The following HSPA13 variants were observed in gnomAD, a reference collection of about 807,000 sequenced individuals.
HSPA13 encodes heat shock protein family A (Hsp70) member 13.
HSPA13 carries 29 observed loss-of-function variants against 38.8 expected under a neutral mutation model. The ratio of observed to expected loss-of-function variants is 0.75; its 90% CI spans 0.56 to 1.02. The LOEUF is 1.02. HSPA13 is among the 50% of genes least tolerant of loss of function. The probability of loss-of-function intolerance (pLI) is 0.00; values close to 1 mark genes in which losing one functional copy is unlikely to be tolerated. For missense variants in HSPA13, 451 were observed against 560.9 expected (o/e 0.80, Z 1.98); for synonymous variants, 192 against 205.3 (o/e 0.94, Z 0.56).
intron 2 of HSPA13, among the ~76,000 whole-genome samples, 153 bp from the exon 3 acceptor site, chr21:14,378,565 A>G (rs542297005): frequency 3.9e-4 from 59 of 152,258 alleles, no homozygotes; most frequent in Admixed American, 7.2e-4. Flanking sequence ...ATTTACCAAG[A>G]TTAGAACTTG....
chr21:14,376,133 T>C (rs1984013328), intron 3 of HSPA13, among the ~76,000 whole-genome samples: 1 of 152,244 alleles, frequency 6.6e-6, no homozygotes, highest in African/African-American at 2.4e-5. Context: ...AACATTCATA[T>C]TCTACTTTGG....
At chr21:14,380,254 C>A (rs1280119371) in intron 2 of HSPA13, among the ~76,000 whole-genome samples, 1 of 149,024 alleles carries the variant, frequency 6.7e-6, no homozygotes, top group Non-Finnish European at 1.5e-5. Flanking sequence ...AAAACTTTGA[C>A]ATCCAGCTCA....
intron 3 of HSPA13, among the ~76,000 whole-genome samples, chr21:14,376,971 C>T (rs1793401650): frequency 6.6e-6 from 1 of 152,180 alleles, no homozygotes; most frequent in Non-Finnish European, 1.5e-5. Flanking sequence ...GTATCAGTGG[C>T]TCTCAACAAG....
In HSPA13 at chr21:14,371,934, TC is replaced by T. The variant is rs532633586; in HGVS notation, c.*1682del. 2.3e-4 allele frequency: 35 copies of T among 152,650 alleles called. No individual in the cohort carries two copies. In the East Asian group the frequency reaches 6.7e-3, roughly 29 times the overall value. 9.5% of individuals were successfully genotyped at this position (152,650 alleles called of 1,614,324 possible). ...CAGTGAAGGATTCATCTTTGGCATT[TC>T]TCCATTCATTCTAAAATAAGATACT... On this transcript the variant is annotated 3_prime_UTR_variant, in exon 5 of 5. Coordinates refer to ENST00000285667, the MANE Select transcript of HSPA13 (RefSeq NM_006948.5).
intron 1 of HSPA13, among the ~76,000 whole-genome samples, chr21:14,382,244 G>A (rs983127834): frequency 2.6e-5 from 4 of 152,090 alleles, no homozygotes; most frequent in African/African-American, 9.7e-5. Flanking sequence ...ATCTATGAAA[G>A]CTTCTTGAAG....
intron 3 of HSPA13, among the ~76,000 whole-genome samples, chr21:14,377,460 A>C (rs535128541): frequency 6.6e-6 from 1 of 152,202 alleles, no homozygotes; most frequent in African/African-American, 2.4e-5. Context: ...TGTTAAATAC[A>C]TATTTTATAT....
At chr21:14,380,356 C>T (rs1347241900) in intron 2 of HSPA13, among the ~76,000 whole-genome samples, 1 of 146,686 alleles carries the variant, frequency 6.8e-6, no homozygotes, top group East Asian at 2.0e-4. Context: ...GAAAAACACA[C>T]CAAAACAAAA....
At chr21:14,380,455 A>G (rs1984139960) in intron 2 of HSPA13, among the ~76,000 whole-genome samples, 1 of 152,056 alleles carries the variant, frequency 6.6e-6, no homozygotes, top group Non-Finnish European at 1.5e-5. Context: ...ATCAAAATAA[A>G]TAAAAATTAA....
Position 14,371,235 on chromosome 21 carries a change from T to C in HSPA13, c.*2382A>G, listed in dbSNP as rs560541926. 1 of 152,786 alleles carries C rather than the reference T, an allele frequency of 6.5e-6. No individual in the cohort carries two copies. The highest frequency in any genetic ancestry group is 2.1e-4 in the South Asian group (1 of 4,834). The allele number at this position is 152,786 out of a possible 1,614,324, so 9.5% of individuals were successfully genotyped here. A position where few individuals can be genotyped will look rare whatever the true frequency, so the allele number is the denominator to read the frequency against. On this transcript the variant is annotated 3_prime_UTR_variant, in exon 5 of 5. Transcript: ENST00000285667. Reference sequence around the variant, plus strand: ...TAACTGTAATATTTAGTACATGTTATACACAGCAGTATCTGTTAAGTCAGT... The same window carrying C: ...TAACTGTAATATTTAGTACATGTTACACACAGCAGTATCTGTTAAGTCAGT...
In HSPA13 at chr21:14,373,815, C is replaced by T; in HGVS notation, c.1218G>A (p.Gly406=). 3 of 1,614,132 alleles carry T rather than the reference C, an allele frequency of 1.9e-6. No individual in the cohort carries two copies. Among genetic ancestry groups the T allele is most frequent in the Non-Finnish European group, 1.7e-6 (2 of 1,180,022 alleles). The change falls in exon 5 of 5, where the codon GGG becomes GGA. Residue 406 remains glycine, a synonymous_variant. Transcript: ENST00000285667. ...KTEIDEVVLV[G]GSTRIPRIRQ... ...GGATCCGAGGAATACGAGTGGAGCC[C>T]CCAACTAAAACCACCTCATCAATCT...
chr21:14,383,075 A>G lies in HSPA13; in HGVS notation c.25+20T>C. The G allele has an allele frequency of 6.2e-7, 1 of 1,613,878 alleles. No individual in the cohort carries two copies. Among genetic ancestry groups the G allele is most frequent in the East Asian group, 2.2e-5 (1 of 44,854 alleles). On this transcript the variant is annotated intron_variant, in intron 1 of 4. Transcript: ENST00000285667. ...TCGCCTCTACGCCCGCAAGAGCAAC[A>G]AGGACCCCCGGGAACCCACCTAAGA...
chr21:14,381,242 T>C lies in HSPA13; in HGVS notation c.327A>G (p.Ala109=). The C allele has an allele frequency of 6.2e-7, 1 of 1,610,636 alleles. No homozygotes were observed. The highest frequency in any genetic ancestry group is 8.5e-7 in the Non-Finnish European group (1 of 1,177,898). Residue 109 remains alanine, a synonymous_variant, in exon 2 of 5, where the codon GCA becomes GCG. Coordinates refer to ENST00000285667, the MANE Select transcript of HSPA13 (RefSeq NM_006948.5). ...TGCCAATTTCAGCCTCCAACTCTTCTGCGGTAAAAATCTTGCCTATGAATC... is the reference window on the plus strand; with the variant it reads ...TGCCAATTTCAGCCTCCAACTCTTCCGCGGTAAAAATCTTGCCTATGAATC... ...AKRFIGKIFT[A]EELEAEIGRY... is the part of the protein sequence containing the mutation.
intron 2 of HSPA13, among the ~76,000 whole-genome samples, chr21:14,379,093 T>G (rs1984105723): frequency 6.6e-6 from 1 of 152,190 alleles, no homozygotes; most frequent in Non-Finnish European, 1.5e-5. Context: ...TTTCCCAAAT[T>G]TCTTGTTTCT....
Position 14,375,819 on chromosome 21 carries a change from C to G in HSPA13, c.581G>C (p.Gly194Ala). The G allele has an allele frequency of 1.9e-6, 3 of 1,612,154 alleles. No homozygotes were observed. Among genetic ancestry groups the G allele is most frequent in the Non-Finnish European group, 2.5e-6 (3 of 1,178,750 alleles). Residue 194 changes from glycine to alanine, a missense_variant and splice_region_variant, in exon 4 of 5, where the codon GGA becomes GCA. Physicochemically the swap from Gly to Ala is moderately conservative, Grantham distance 60 (BLOSUM62 0). Coordinates refer to ENST00000285667, the MANE Select transcript of HSPA13 (RefSeq NM_006948.5). ...ATTTATTACCCTCAAAATCTTCAGT[C>G]CTGTAAGATTGGTTAAGGGAAGAAA... Reference protein sequence around the residue: ...NSTIEAANLAGLKILRVINEP... With the variant: ...NSTIEAANLAALKILRVINEP...
chr21:14,378,583 T>G (rs1984088618), intron 2 of HSPA13, among the ~76,000 whole-genome samples, 171 bp from the exon 3 acceptor site: 1 of 152,112 alleles, frequency 6.6e-6, no homozygotes, highest in Admixed American at 6.6e-5. Flanking sequence ...TTGTTAAATG[T>G]TATACATTAA....
intron 2 of HSPA13, among the ~76,000 whole-genome samples, chr21:14,379,384 C>A (rs1044335434): frequency 6.6e-6 from 1 of 152,080 alleles, no homozygotes; most frequent in Non-Finnish European, 1.5e-5. Context: ...TCACTTCAGG[C>A]CTCATAGTTA....
Position 14,373,905 on chromosome 21 carries a change from G to A in HSPA13, c.1128C>T (p.Asp376=), listed in dbSNP as rs1982888073. 4 of 1,614,174 alleles carry A rather than the reference G, an allele frequency of 2.5e-6. No homozygotes were observed. The highest frequency in any genetic ancestry group is 3.4e-6 in the Non-Finnish European group (4 of 1,180,024). The change falls in exon 5 of 5, where the codon GAC becomes GAT. Residue 376 remains aspartate, a synonymous_variant. Coordinates refer to ENST00000285667, the MANE Select transcript of HSPA13 (RefSeq NM_006948.5). ...SRKLFDTLNE[D]LFQKILVPIQ... ...TGGGTACCAGTATTTTCTGAAAGAG[G>A]TCTTCATTAAGGGTATCAAAGAGTT...
chr21:14,378,816 C>T (rs1022989013), intron 2 of HSPA13, among the ~76,000 whole-genome samples: 1 of 151,874 alleles, frequency 6.6e-6, no homozygotes. Context: ...GACAGGGTTT[C>T]ACTATGTTGG....
chr21:14,381,575 T>C (rs924798823), intron 1 of HSPA13, 32 bp from the exon 2 acceptor site: 1 of 1,521,232 alleles, frequency 6.6e-7, no homozygotes, highest in African/African-American at 1.4e-5. Context: ...AGATGTATTT[T>C]ATCAAACTAG....
Sources: allele counts gnomAD v4.1 joint callset (sites outside exome capture counted in the v4.1 genomes callset), GRCh38; gene constraint gnomAD v4.1.1; transcripts MANE v1.5; gene names NCBI Gene and HGNC (gene_info 2026-07-23, HGNC 2026-07-21).